The following WDR70 variants were observed in gnomAD, a reference collection of about 807,000 sequenced individuals.
The protein encoded by WDR70 is WD repeat domain 70, also known as WD repeat-containing protein 70.
In WDR70, 53 loss-of-function variants were observed where a neutral mutation model predicts 88.6. That is an observed-to-expected ratio of 0.60 (90% CI 0.48 to 0.75). WDR70 has a LOEUF of 0.75. WDR70 is among the 30% of genes least tolerant of loss of function. WDR70 has a pLI of 0.00. For synonymous variants in WDR70, 280 were observed against 270.0 expected, an observed-to-expected ratio of 1.04 and a Z score of -0.36; for missense variants, 610 against 823.2, an observed-to-expected ratio of 0.74 and a Z score of 3.17.
chr5:37,497,428 T>TCTTCC (rs777707038), intron 8 of WDR70, among the ~76,000 whole-genome samples: 1 of 80,514 alleles, frequency 1.2e-5, no homozygotes, highest in African/African-American at 4.9e-5. Context: ...TTCCCTTCCC[T>TCTTCC]CTTCCCTTCC....
At chr5:37,597,345 A>G (rs1265547267) in intron 9 of WDR70, among the ~76,000 whole-genome samples, 1 of 152,162 alleles carries the variant, frequency 6.6e-6, no homozygotes, top group Non-Finnish European at 1.5e-5. Flanking sequence ...CCATATCCTC[A>G]TCAGCACTAG....
At chr5:37,453,324 C>A (rs1000605319) in intron 7 of WDR70, among the ~76,000 whole-genome samples, 13 of 152,296 alleles carry the variant, frequency 8.5e-5, no homozygotes, top group African/African-American at 2.9e-4. Context: ...TTATTAACAG[C>A]AAGCCAGTCA....
intron 9 of WDR70, among the ~76,000 whole-genome samples, chr5:37,589,544 C>T (rs1036928111): frequency 6.6e-6 from 1 of 152,004 alleles, no homozygotes; most frequent in Non-Finnish European, 1.5e-5. Flanking sequence ...CCTTCTTAAT[C>T]AGCTACCAAA....
At chr5:37,688,039 A>G (rs1239007098) in intron 10 of WDR70, 13 of 620,314 alleles carry the variant, frequency 2.1e-5, no homozygotes, top group African/African-American at 3.6e-5. Context: ...ACTGGTATAT[A>G]TATGCATACA....
intron 10 of WDR70, among the ~76,000 whole-genome samples, chr5:37,684,145 TTGTG>T (rs1746515150): frequency 1.3e-5 from 2 of 152,240 alleles, no homozygotes; most frequent in South Asian, 4.1e-4. Context: ...CTATTAATAC[TTGTG>T]ATTACATTAT....
chr5:37,527,864 A>G (rs1741346121), intron 9 of WDR70, among the ~76,000 whole-genome samples: 1 of 152,268 alleles, frequency 6.6e-6, no homozygotes, highest in Non-Finnish European at 1.5e-5. Context: ...TGCAGCCAAC[A>G]GACACATGAA....
At chr5:37,559,260 C>A (rs140491353) in intron 9 of WDR70, among the ~76,000 whole-genome samples, 74 of 152,222 alleles carry the variant, frequency 4.9e-4, no homozygotes, top group African/African-American at 1.8e-3. Flanking sequence ...GCTACACTAT[C>A]CTCATCACTA....
intron 17 of WDR70, among the ~76,000 whole-genome samples, chr5:37,738,028 T>TA (rs1748352549): frequency 1.6e-5 from 2 of 121,934 alleles, no homozygotes; most frequent in Admixed American, 8.7e-5. Flanking sequence ...TGCCTAATAT[T>TA]TAAAAAAAAA....
intron 17 of WDR70, among the ~76,000 whole-genome samples, chr5:37,736,240 G>A (rs1458679751): frequency 2.6e-5 from 4 of 152,168 alleles, no homozygotes; most frequent in South Asian, 2.1e-4. Flanking sequence ...TGTCAACCAC[G>A]TCACTTTTCT....
intron 9 of WDR70, among the ~76,000 whole-genome samples, chr5:37,527,955 C>T (rs970039615): frequency 3.9e-5 from 6 of 152,066 alleles, no homozygotes; most frequent in South Asian, 2.1e-4. Flanking sequence ...GTTAGAATGC[C>T]GATCATTAAA....
intron 10 of WDR70, chr5:37,619,917 G>T (rs1324394234): frequency 1.0e-4 from 12 of 120,074 alleles, no homozygotes; most frequent in Non-Finnish European, 1.5e-4. Flanking sequence ...TATTTACCAG[G>T]TTTTTTTTTT....
chr5:37,495,684 A>C (rs1217476705), intron 8 of WDR70, among the ~76,000 whole-genome samples: 2 of 152,216 alleles, frequency 1.3e-5, no homozygotes, highest in Non-Finnish European at 2.9e-5. Context: ...AGAGAGAAAA[A>C]GTAGTTTATT....
rs544655938 is a variant in WDR70 at position 37,701,270 on chromosome 5, A to G, written c.1277+128A>G. 4.3e-5 allele frequency: 26 copies of G among 606,540 alleles called. No homozygotes were observed. In the East Asian group the frequency reaches 7.6e-4, roughly 18 times the overall value. 37.6% of individuals were successfully genotyped at this position (606,540 alleles called of 1,614,324 possible). ...AAAGAGACTTGAGAGAGTGATCAAA[A>G]TCTGTTTTTTGAAAAATATGTATTT... is the stretch of plus-strand genomic sequence containing the variant. On this transcript the variant is annotated intron_variant, in intron 12 of 17. Transcript: ENST00000265107.
At chr5:37,627,971 C>T (rs1009883707) in intron 10 of WDR70, among the ~76,000 whole-genome samples, 1 of 152,184 alleles carries the variant, frequency 6.6e-6, no homozygotes, top group Non-Finnish European at 1.5e-5. Context: ...GTCACCTTGG[C>T]TGGAGTGCAG....
At chr5:37,492,073 G>C (rs1302515450) in intron 8 of WDR70, among the ~76,000 whole-genome samples, 11 of 152,124 alleles carry the variant, frequency 7.2e-5, no homozygotes, top group Non-Finnish European at 1.5e-4. Flanking sequence ...ATTCAACAGG[G>C]AAGTCAATTT....
chr5:37,522,348 A>G (rs960414093), intron 9 of WDR70, among the ~76,000 whole-genome samples: 7 of 151,788 alleles, frequency 4.6e-5, no homozygotes, highest in Non-Finnish European at 8.8e-5. Flanking sequence ...GCATGCGCCT[A>G]TAGTCCCAGC....
chr5:37,513,825 G>A (rs1364345440), intron 8 of WDR70, among the ~76,000 whole-genome samples: 1 of 152,032 alleles, frequency 6.6e-6, no homozygotes, highest in Non-Finnish European at 1.5e-5. Flanking sequence ...CAGAGTAAGG[G>A]TGGGTCTGCC....
intron 17 of WDR70, among the ~76,000 whole-genome samples, chr5:37,731,054 T>A (rs1479945010): frequency 6.6e-6 from 1 of 152,286 alleles, no homozygotes; most frequent in Middle Eastern, 3.4e-3. Flanking sequence ...TTTGGCTTAA[T>A]CCTGCAGGGT....
intron 9 of WDR70, among the ~76,000 whole-genome samples, chr5:37,597,449 G>A (rs2112461208): frequency 6.6e-6 from 1 of 152,156 alleles, no homozygotes; most frequent in African/African-American, 2.4e-5. Context: ...GACTAGTTAT[G>A]TTAAGGATCT....
Sources: gnomAD v4.1 joint callset for allele counts (sites outside exome capture counted in the v4.1 genomes callset) on GRCh38, gnomAD v4.1.1 for gene constraint, MANE v1.5 for transcripts, NCBI Gene and HGNC (gene_info 2026-07-23, HGNC 2026-07-21) for gene names.